The following ST18 variants were observed in gnomAD, a reference collection of about 807,000 sequenced individuals.
The protein encoded by ST18 is suppression of tumorigenicity 18 protein.
In ST18, 50 loss-of-function variants were observed where a neutral mutation model predicts 110.0. The observed-to-expected ratio is 0.45, with a 90% CI of 0.36 to 0.58. The LOEUF is 0.58. Ranked by LOEUF, ST18 falls within the 20% of genes least tolerant of loss-of-function variation. ST18 has a pLI of 0.00. For synonymous variants in ST18, 461 were observed against 452.4 expected (o/e 1.02, Z -0.24); for missense variants, 1,306 against 1,280.1 (o/e 1.02, Z -0.31).
intron 25 of ST18, among the ~76,000 whole-genome samples, chr8:52,114,285 T>G: frequency 6.6e-6 from 1 of 152,096 alleles, no homozygotes; most frequent in Non-Finnish European, 1.5e-5. Context: ...GTTCTTTTTG[T>G]ATGTTTTGGT....
intron 8 of ST18, among the ~76,000 whole-genome samples, chr8:52,204,039 T>G (rs1048473874): frequency 3.9e-5 from 6 of 152,212 alleles, no homozygotes; most frequent in Non-Finnish European, 7.3e-5. Flanking sequence ...AAACTCTCAT[T>G]TCTGATACAT....
chr8:52,132,795 T>C (rs902837404), intron 21 of ST18, among the ~76,000 whole-genome samples: 1 of 152,340 alleles, frequency 6.6e-6, no homozygotes, highest in African/African-American at 2.4e-5. Flanking sequence ...ACTTCCACAA[T>C]AATACTTTCC....
At chr8:52,357,685 AT>A (rs1823511825) in intron 2 of ST18, among the ~76,000 whole-genome samples, 4 of 33,662 alleles carry the variant, frequency 1.2e-4, no homozygotes, top group Non-Finnish European at 2.1e-4. Context: ...AAATATATAT[AT>A]ATATATATAT....
chr8:52,165,287 A>T, intron 11 of ST18, 62 bp from the exon 12 acceptor site: 1 of 1,513,686 alleles, frequency 6.6e-7, no homozygotes, highest in East Asian at 2.3e-5. Context: ...GCACACTAAC[A>T]CGTGTATCTC....
intron 23 of ST18, among the ~76,000 whole-genome samples, chr8:52,125,012 T>G (rs2046456938): frequency 6.6e-6 from 1 of 152,200 alleles, no homozygotes; most frequent in Non-Finnish European, 1.5e-5. Context: ...AAATAAAGTC[T>G]CCAGAGCAAA....
intron 2 of ST18, among the ~76,000 whole-genome samples, chr8:52,250,750 C>A (rs2094251243): frequency 6.6e-6 from 1 of 151,810 alleles, no homozygotes; most frequent in Admixed American, 6.6e-5. Flanking sequence ...GATCAATTAA[C>A]TGGCCACCAA....
At chr8:52,117,538 G>A (rs1324236430) in intron 24 of ST18, among the ~76,000 whole-genome samples, 1 of 152,212 alleles carries the variant, frequency 6.6e-6, no homozygotes, top group Non-Finnish European at 1.5e-5. Context: ...CTAGACAAAA[G>A]TATCAATCTG....
At chr8:52,322,849 A>G (rs1370592144) in intron 2 of ST18, among the ~76,000 whole-genome samples, 2 of 152,254 alleles carry the variant, frequency 1.3e-5, no homozygotes, top group East Asian at 1.9e-4. Flanking sequence ...GTTCACTTTA[A>G]AAGAATCTGA....
At chr8:52,179,594 A>C (rs1285792517) in intron 9 of ST18, among the ~76,000 whole-genome samples, 2 of 152,148 alleles carry the variant, frequency 1.3e-5, no homozygotes, top group Non-Finnish European at 2.9e-5. Flanking sequence ...GACCACTTGC[A>C]TTGGTTCATG....
At chr8:52,267,121 A>ATGG (rs889418432) in intron 2 of ST18, among the ~76,000 whole-genome samples, 49 of 152,188 alleles carry the variant, frequency 3.2e-4, no homozygotes, top group Admixed American at 2.2e-3. Flanking sequence ...GACTTCTGCG[A>ATGG]TGGTGCACTC....
In ST18 at chr8:52,359,632, A is replaced by T. The variant is rs1448830930; in HGVS notation, c.-465+49696T>A. 3.3e-5 allele frequency among the ~76,000 whole-genome samples: 5 copies of T among 152,256 alleles called. No homozygotes were observed. The East Asian group carries it at 9.6e-4, about 29-fold the overall frequency. On this transcript the variant is annotated intron_variant, in intron 2 of 25. Transcript: ENST00000689386. ...AGAAATCAAAGCAGCACAGAGAGAT[A>T]AAATGATTTGTCCCTATTCAAGTAG...
chr8:52,207,866 C>T (rs2080660396), intron 8 of ST18, among the ~76,000 whole-genome samples: 2 of 152,106 alleles, frequency 1.3e-5, no homozygotes, highest in South Asian at 4.1e-4. Context: ...ATGCAAGAGA[C>T]AATTACCAAT....
At chr8:52,138,039 G>C (rs1374072262) in intron 17 of ST18, among the ~76,000 whole-genome samples, 3 of 148,942 alleles carry the variant, frequency 2.0e-5, no homozygotes, top group Non-Finnish European at 3.0e-5. Context: ...GGCGGACATT[G>C]TGGTGAGCCG....
At chr8:52,305,961 T>C (rs1228461760) in intron 2 of ST18, among the ~76,000 whole-genome samples, 1 of 152,208 alleles carries the variant, frequency 6.6e-6, no homozygotes, top group African/African-American at 2.4e-5. Flanking sequence ...CCTGTGTCTC[T>C]CAGAGGGAAG....
intron 2 of ST18, among the ~76,000 whole-genome samples, chr8:52,344,256 T>A (rs1230627965): frequency 3.0e-4 from 45 of 151,632 alleles, no homozygotes; most frequent in Non-Finnish European, 2.9e-4. Context: ...AGCCTTATTT[T>A]TTCAAAACTA....
At chr8:52,360,410 A>T (rs997708427) in intron 2 of ST18, among the ~76,000 whole-genome samples, 4 of 152,170 alleles carry the variant, frequency 2.6e-5, no homozygotes, top group African/African-American at 9.6e-5. Context: ...TTCAGGCTAC[A>T]TAATTAAATA....
At chr8:52,167,505 G>A (rs535119906) in intron 10 of ST18, among the ~76,000 whole-genome samples, 25 of 152,338 alleles carry the variant, frequency 1.6e-4, no homozygotes, top group Admixed American at 3.3e-4. Context: ...AGCAGCTGGC[G>A]GAGTTAGGAC....
intron 2 of ST18, among the ~76,000 whole-genome samples, chr8:52,344,346 G>A (rs958672658): frequency 2.6e-5 from 4 of 152,052 alleles, no homozygotes; most frequent in Middle Eastern, 3.4e-3. Flanking sequence ...AGCATGGAAA[G>A]TGTCTTATGT....
At chr8:52,174,962 T>C (rs1456814093) in intron 9 of ST18, among the ~76,000 whole-genome samples, 5 of 152,142 alleles carry the variant, frequency 3.3e-5, no homozygotes, top group African/African-American at 4.8e-5. Flanking sequence ...TTTCTCAGGC[T>C]GTGTGTGTTT....
Sources: gnomAD v4.1 joint callset for allele counts (sites outside exome capture counted in the v4.1 genomes callset) on GRCh38, gnomAD v4.1.1 for gene constraint, MANE v1.5 for transcripts, NCBI Gene and HGNC (gene_info 2026-07-23, HGNC 2026-07-21) for gene names.